The following GRID1 variants were observed in gnomAD, a reference collection of about 807,000 sequenced individuals.
The protein encoded by GRID1 is glutamate ionotropic receptor delta type subunit 1.
Under a neutral mutation model 98.0 loss-of-function variants are expected in GRID1, and 28 were observed. That is an observed-to-expected ratio of 0.29 (90% CI 0.21 to 0.39). GRID1 has a LOEUF of 0.39. GRID1 is among the 10% of genes least tolerant of loss of function. The pLI is 1.00. For missense variants in GRID1, 1,111 were observed against 1,340.5 expected, an observed-to-expected ratio of 0.83 and a Z score of 2.67; for synonymous variants, 553 against 538.5, an observed-to-expected ratio of 1.03 and a Z score of -0.37.
chr10:86,250,016 G>A (rs1419789475), intron 2 of GRID1, among the ~76,000 whole-genome samples: 1 of 152,032 alleles, frequency 6.6e-6, no homozygotes, highest in Non-Finnish European at 1.5e-5. Context: ...TGGAAGGATG[G>A]ATGAATGGGT....
At chr10:86,325,926 A>G (rs1432184705) in intron 2 of GRID1, among the ~76,000 whole-genome samples, 1 of 152,250 alleles carries the variant, frequency 6.6e-6, no homozygotes, top group Non-Finnish European at 1.5e-5. Context: ...CAAGTGTTGA[A>G]AAAGGACAGA....
At chr10:85,890,242 T>C (rs1841180685) in intron 5 of GRID1, among the ~76,000 whole-genome samples, 1 of 152,076 alleles carries the variant, frequency 6.6e-6, no homozygotes, top group Non-Finnish European at 1.5e-5. Context: ...GGGCAAACTA[T>C]AGTTAACAAT....
At chr10:85,805,298 G>T (rs1401919669) in intron 8 of GRID1, among the ~76,000 whole-genome samples, 1 of 151,514 alleles carries the variant, frequency 6.6e-6, no homozygotes, top group African/African-American at 2.4e-5. Flanking sequence ...AATTTAATAA[G>T]ATATATGCAA....
chr10:86,255,604 C>T (rs1373954375), intron 2 of GRID1, among the ~76,000 whole-genome samples: 1 of 152,184 alleles, frequency 6.6e-6, no homozygotes, highest in African/African-American at 2.4e-5. Context: ...CTCTCTTGCC[C>T]GGTGCCCAGC....
At chr10:85,727,794 A>T in intron 10 of GRID1, 61 bp downstream of exon 10, 2 of 1,285,150 alleles carry the variant, frequency 1.6e-6, no homozygotes, top group Non-Finnish European at 2.3e-6. Context: ...GGTCAAGTTT[A>T]GATATTACCC....
chr10:85,643,972 C>T (rs1843155681), intron 13 of GRID1: 2 of 152,098 alleles, frequency 1.3e-5, no homozygotes, highest in African/African-American at 4.8e-5. Flanking sequence ...TCCTAAGTGC[C>T]GCCAATGGAC....
chr10:86,137,755 T>A (rs1356032969), intron 4 of GRID1, among the ~76,000 whole-genome samples: 1 of 152,152 alleles, frequency 6.6e-6, no homozygotes, highest in African/African-American at 2.4e-5. Context: ...ATTCGGGGCC[T>A]GATTAGCAGA....
At chr10:85,789,761 G>C (rs1842461594) in intron 8 of GRID1, among the ~76,000 whole-genome samples, 1 of 152,142 alleles carries the variant, frequency 6.6e-6, no homozygotes, top group Non-Finnish European at 1.5e-5. Flanking sequence ...CTCACAGTCA[G>C]GGTAGCAGAG....
chr10:85,770,142 G>A (rs1039622986), intron 8 of GRID1, among the ~76,000 whole-genome samples: 2 of 152,196 alleles, frequency 1.3e-5, no homozygotes, highest in African/African-American at 2.4e-5. Context: ...CCAGAGGAAC[G>A]ATCGGACAGC....
At chr10:86,321,268 G>T (rs1390385222) in intron 2 of GRID1, among the ~76,000 whole-genome samples, 1 of 152,084 alleles carries the variant, frequency 6.6e-6, no homozygotes, top group Non-Finnish European at 1.5e-5. Context: ...GTAATTATAT[G>T]AAATGATGTG....
chr10:86,266,936 C>CT (rs923931279), intron 2 of GRID1, among the ~76,000 whole-genome samples: 1 of 152,196 alleles, frequency 6.6e-6, no homozygotes, highest in African/African-American at 2.4e-5. Context: ...GACTCTTCCC[C>CT]TATCCCCACA....
chr10:86,333,835 G>A lies in GRID1; in HGVS notation c.235+30106C>T, dbSNP rs552094755. On this transcript the variant is annotated intron_variant, in intron 2 of 15. Coordinates refer to ENST00000327946, the MANE Select transcript of GRID1 (RefSeq NM_017551.3). ...TTGTCTTCACATTGAGTAGGCTGAG[G>A]GGGAGGAATAAGAGGGGCTGGTTAT... 7.2e-5 allele frequency among the ~76,000 whole-genome samples: 11 copies of A among 152,212 alleles called. No homozygotes were observed. The South Asian group carries it at 2.3e-3, about 32-fold the overall frequency.
intron 2 of GRID1, among the ~76,000 whole-genome samples, chr10:86,272,378 G>C (rs559587406): frequency 3.3e-5 from 5 of 152,158 alleles, no homozygotes; most frequent in Admixed American, 1.3e-4. Context: ...ACTTTAGGAA[G>C]GTATTGTGGC....
chr10:85,613,429 C>T lies in GRID1; in HGVS notation c.2579G>A (p.Cys860Tyr), dbSNP rs1842754969. ...ALELWWNSNR[C>Y]HQETPKEDKE... Reference sequence around the variant, plus strand: ...GACCTCCTTGGGGGTCTCCTGGTGGCACCGGTTGCTGTTCCACCACAACTC... The same window carrying T: ...GACCTCCTTGGGGGTCTCCTGGTGGTACCGGTTGCTGTTCCACCACAACTC... The change falls in exon 15 of 16, where the codon TGC becomes TAC. Residue 860 changes from cysteine (C) to tyrosine (Y), a missense_variant. Physicochemically the swap from Cys to Tyr is radical, Grantham distance 194. Transcript: ENST00000327946. The T allele has an allele frequency of 6.2e-7, 1 of 1,613,304 alleles. No homozygotes were observed. Among genetic ancestry groups the T allele is most frequent in the Non-Finnish European group, 8.5e-7 (1 of 1,179,888 alleles).
intron 14 of GRID1, among the ~76,000 whole-genome samples, chr10:85,615,635 G>C (rs1842779625): frequency 6.6e-6 from 1 of 152,176 alleles, no homozygotes. Context: ...TATGGTTTGG[G>C]GTCATGCTTA....
At chr10:85,880,717 C>G (rs1200611132) in intron 5 of GRID1, among the ~76,000 whole-genome samples, 1 of 152,062 alleles carries the variant, frequency 6.6e-6, no homozygotes, top group Non-Finnish European at 1.5e-5. Context: ...TGGCACAAGA[C>G]AGGGATGCCC....
chr10:85,850,642 C>T (rs1313098933), intron 8 of GRID1, among the ~76,000 whole-genome samples: 1 of 152,168 alleles, frequency 6.6e-6, no homozygotes, highest in Non-Finnish European at 1.5e-5. Flanking sequence ...TCCTGTGCCT[C>T]TCTGCTCTTG....
At chr10:85,633,040 G>A (rs1314250859) in intron 13 of GRID1, among the ~76,000 whole-genome samples, 1 of 152,146 alleles carries the variant, frequency 6.6e-6, no homozygotes, top group Non-Finnish European at 1.5e-5. Flanking sequence ...CCGTGTCCCT[G>A]AAAAGGACAT....
intron 2 of GRID1, among the ~76,000 whole-genome samples, chr10:86,350,372 G>A (rs1027954269): frequency 1.1e-4 from 16 of 152,200 alleles, no homozygotes; most frequent in African/African-American, 3.6e-4. Context: ...TGGAGGGAAG[G>A]GCAGAGGCAG....
Sources: allele counts gnomAD v4.1 joint callset (sites outside exome capture counted in the v4.1 genomes callset), GRCh38; gene constraint gnomAD v4.1.1; transcripts MANE v1.5; gene names NCBI Gene and HGNC (gene_info 2026-07-23, HGNC 2026-07-21).